Variants in FGF6 observed in about 807,000 individuals in gnomAD.
FGF6 encodes the protein fibroblast growth factor 6.
Under a neutral mutation model 18.4 loss-of-function variants are expected in FGF6, and 14 were observed. The ratio of observed to expected loss-of-function variants is 0.76; its 90% CI spans 0.50 to 1.19. The LOEUF is 1.19. FGF6 is among the 50% of genes most tolerant of loss of function. The pLI, the probability that FGF6 is intolerant of heterozygous loss-of-function variation, is 0.00. For synonymous variants in FGF6, 125 were observed against 116.7 expected, an observed-to-expected ratio of 1.07 and a Z score of -0.46; for missense variants, 266 against 271.6, an observed-to-expected ratio of 0.98 and a Z score of 0.15.
Position 4,443,944 on chromosome 12 carries a change from A to AGAGGAC in FGF6, c.450+183_450+188dup, listed in dbSNP as rs1865723891. Among the ~76,000 whole-genome samples the AGAGGAC allele has an allele frequency of 2.0e-5, 3 of 152,350 alleles. No homozygotes were observed. In the South Asian group the frequency reaches 6.2e-4, roughly 32 times the overall value. ...GAACAGAAGAAGCACGGGCCAGGGC[A>AGAGGAC]GAGGACAATCACCCGTGAGGCTGAA... On this transcript the variant is annotated intron_variant, in intron 2 of 2. Transcript: ENST00000228837.
chr12:4,445,444 G>A lies in FGF6; in HGVS notation c.127C>T (p.Arg43Cys), dbSNP rs1430310170. 4 of 1,613,256 alleles carry A rather than the reference G, an allele frequency of 2.5e-6. No homozygotes were observed. The African/African-American group carries it at 4.0e-5, about 16-fold the overall frequency. ...GMVVPSPAGT[R>C]ANNTLLDSRG... ...GAGTCCAGCAGCGTGTTGTTGGCAC[G>A]GGTGCCTGCAGGCGAGGGCACCACC... The change falls in exon 1 of 3, where the codon CGT becomes TGT. Residue 43 changes from arginine to cysteine, a missense_variant. By Grantham distance (180) the Arg-to-Cys change is radical (BLOSUM62 -3). Transcript: ENST00000228837. The surrounding 1 kb of genome is among the most constrained non-coding windows in gnomAD (Gnocchi z 5.5).
At chr12:4,440,900 T>TAATGCCCCAGATAATAATGC (rs1222648615) in intron 2 of FGF6, among the ~76,000 whole-genome samples, 1 of 151,690 alleles carries the variant, frequency 6.6e-6, no homozygotes. Context: ...GATAATAATG[T>TAATGCCCCAGATAATAATGC]AATGCCCCAG....
chr12:4,438,807 T>A (rs1045947813), intron 2 of FGF6, among the ~76,000 whole-genome samples: 12 of 134,842 alleles, frequency 8.9e-5, no homozygotes, highest in Non-Finnish European at 1.9e-4. Flanking sequence ...TTATGGTAGA[T>A]CCACATGATG....
chr12:4,439,206 G>A (rs573619514), intron 2 of FGF6, among the ~76,000 whole-genome samples: 19 of 152,296 alleles, frequency 1.2e-4, no homozygotes, highest in Admixed American at 2.0e-4. Flanking sequence ...GCCAGGAAAC[G>A]AAGCGAGAAA....
At chr12:4,441,944 G>A (rs1865695909) in intron 2 of FGF6, among the ~76,000 whole-genome samples, 1 of 152,038 alleles carries the variant, frequency 6.6e-6, no homozygotes, top group African/African-American at 2.4e-5. Context: ...AGGTGCCCCA[G>A]GCTTGGGGCA....
chr12:4,444,723 A>G (rs1371394551), intron 1 of FGF6, among the ~76,000 whole-genome samples: 2 of 152,180 alleles, frequency 1.3e-5, no homozygotes, highest in Admixed American at 6.5e-5. Context: ...CTAACCATAC[A>G]GCAAGCTGGC....
chr12:4,445,106 A>G lies in FGF6; in HGVS notation c.346+119T>C, dbSNP rs886332722. 1.4e-5 allele frequency: 12 copies of G among 851,086 alleles called. No individual in the cohort carries two copies. The African/African-American group carries it at 2.0e-4, about 14-fold the overall frequency. 52.7% of individuals were successfully genotyped at this position (851,086 alleles called of 1,614,324 possible). ...GTCACGTGGAATCATCTAAGTGGTG[A>G]GCAGCATTTCTGCCCCCTTTATCGT... On this transcript the variant is annotated intron_variant, in intron 1 of 2. Coordinates refer to ENST00000228837, the MANE Select transcript of FGF6 (RefSeq NM_020996.3). This position sits in a 1 kb window ranked among gnomAD's most constrained non-coding sequence, Gnocchi z 5.5.
chr12:4,442,160 C>G (rs957239101), intron 2 of FGF6, among the ~76,000 whole-genome samples: 11 of 152,008 alleles, frequency 7.2e-5, no homozygotes, highest in African/African-American at 2.7e-4. Flanking sequence ...GTAAGCCCAG[C>G]AGTTCATCAA....
At chr12:4,443,232 C>A (rs1865713260) in intron 2 of FGF6, among the ~76,000 whole-genome samples, 1 of 152,238 alleles carries the variant, frequency 6.6e-6, no homozygotes, top group East Asian at 1.9e-4. Context: ...TCTATTTCTT[C>A]ACATCCCAGT....
chr12:4,436,416 T>TTG (rs1865628476), intron 2 of FGF6, among the ~76,000 whole-genome samples: 2 of 151,560 alleles, frequency 1.3e-5, no homozygotes. Flanking sequence ...GCCCAGGAGT[T>TTG]TGAGAGGAAC....
intron 2 of FGF6, among the ~76,000 whole-genome samples, chr12:4,436,508 C>A (rs1865629499): frequency 1.3e-5 from 2 of 151,888 alleles, no homozygotes; most frequent in African/African-American, 4.8e-5. Flanking sequence ...GCCTGTAGTC[C>A]CAGCTACTCT....
chr12:4,438,500 T>C (rs2244388), intron 2 of FGF6, among the ~76,000 whole-genome samples: 95,708 of 151,874 alleles, frequency 0.63, 31,792 homozygotes, highest in East Asian at 0.84. Context: ...AGGTGGCTCA[T>C]GCCTGTAATC....
chr12:4,445,648 TGGCGGCAG>T lies in FGF6; in HGVS notation c.-86_-79del. On this transcript the variant is annotated 5_prime_UTR_variant, in exon 1 of 3. Transcript: ENST00000228837. The surrounding 1 kb of genome is among the most constrained non-coding windows in gnomAD (Gnocchi z 5.5). ...CCTTCTTGTTTTTCTCCCTCCGGCA[TGGCGGCAG>T]GGGCTTATTTTTGGAAGGCAGATGA... The T allele has an allele frequency of 8.3e-7, 1 of 1,209,514 alleles. No individual in the cohort carries two copies. The highest frequency in any genetic ancestry group is 2.6e-5 in the Admixed American group (1 of 37,768). 74.9% of individuals were successfully genotyped at this position (1,209,514 alleles called of 1,614,324 possible).
chr12:4,435,189 C>T (rs777016208), intron 2 of FGF6, among the ~76,000 whole-genome samples: 3 of 152,134 alleles, frequency 2.0e-5, no homozygotes, highest in Non-Finnish European at 4.4e-5. Flanking sequence ...GCGGCCCATA[C>T]CCGTGCGGGA....
chr12:4,445,419 G>A lies in FGF6; in HGVS notation c.152C>T (p.Ser51Leu), dbSNP rs752067820. 3.7e-6 allele frequency: 6 copies of A among 1,613,240 alleles called. No homozygotes were observed. Among genetic ancestry groups the A allele is most frequent in the South Asian group, 3.3e-5 (3 of 91,076 alleles). ...GGACAGCAGGGTGCCCCAGCCCCTCGAGTCCAGCAGCGTGTTGTTGGCACG... is the reference window on the plus strand; with the variant it reads ...GGACAGCAGGGTGCCCCAGCCCCTCAAGTCCAGCAGCGTGTTGTTGGCACG... ...GTRANNTLLD[S>L]RGWGTLLSRS... Residue 51 changes from serine (S) to leucine (L), a missense_variant, in exon 1 of 3, where the codon TCG becomes TTG. By Grantham distance (145) the Ser-to-Leu change is moderately radical (BLOSUM62 -2). Transcript: ENST00000228837. This position sits in a 1 kb window ranked among gnomAD's most constrained non-coding sequence, Gnocchi z 5.5.
chr12:4,437,244 C>T (rs550086247), intron 2 of FGF6, among the ~76,000 whole-genome samples: 1 of 152,276 alleles, frequency 6.6e-6, no homozygotes, highest in African/African-American at 2.4e-5. Flanking sequence ...TATTCTTCTC[C>T]AAGTAAATAA....
intron 2 of FGF6, among the ~76,000 whole-genome samples, chr12:4,434,948 A>G (rs546752595): frequency 2.6e-5 from 4 of 152,044 alleles, no homozygotes; most frequent in African/African-American, 4.8e-5. Flanking sequence ...AGAAGGAGAG[A>G]GGCGGTTGGT....
In FGF6 at chr12:4,445,019, G is replaced by A. The variant is rs1160286725; in HGVS notation, c.346+206C>T. Among the ~76,000 whole-genome samples the A allele has an allele frequency of 6.6e-6, 1 of 152,190 alleles. No homozygotes were observed. Among genetic ancestry groups the A allele is most frequent in the African/African-American group, 2.4e-5 (1 of 41,440 alleles). ...TTAGTGCCACTGAGGATCTAACCAA[G>A]GCGATGGCAAAGAACACCAGGATGC... is the stretch of plus-strand genomic sequence containing the variant. On this transcript the variant is annotated intron_variant, in intron 1 of 2. Coordinates refer to ENST00000228837, the MANE Select transcript of FGF6 (RefSeq NM_020996.3). This position sits in a 1 kb window ranked among gnomAD's most constrained non-coding sequence, Gnocchi z 5.5.
chr12:4,445,706 C>T lies in FGF6; in HGVS notation c.-136G>A. 1.4e-6 allele frequency: 1 copy of T among 716,046 alleles called. No individual in the cohort carries two copies. The highest frequency in any genetic ancestry group is 2.3e-6 in the Non-Finnish European group (1 of 443,132). The allele number at this position is 716,046 out of a possible 1,614,324, so 44.4% of individuals were successfully genotyped here. On this transcript the variant is annotated 5_prime_UTR_variant, in exon 1 of 3. Coordinates refer to ENST00000228837, the MANE Select transcript of FGF6 (RefSeq NM_020996.3). The surrounding 1 kb of genome is among the most constrained non-coding windows in gnomAD (Gnocchi z 5.5). ...AAGGCTGCTGACATGAAACCAAAGC[C>T]TCCATCGGGCACTCGGGTTGAGAGC...
Sources: allele counts gnomAD v4.1 joint callset (sites outside exome capture counted in the v4.1 genomes callset), GRCh38; gene constraint gnomAD v4.1.1; non-coding constraint Gnocchi (gnomAD v3.1); transcripts MANE v1.5; gene names NCBI Gene and HGNC (gene_info 2026-07-23, HGNC 2026-07-21).